The following SCN9A variants were observed in gnomAD, a reference collection of about 807,000 sequenced individuals.
SCN9A encodes the protein sodium channel protein type 9 subunit alpha.
SCN9A carries 131 observed loss-of-function variants against 187.0 expected under a neutral mutation model. The ratio of observed to expected loss-of-function variants is 0.70; its 90% CI spans 0.61 to 0.81. SCN9A has a LOEUF of 0.81. Among genes scored for constraint, SCN9A ranks in the 30% least tolerant of loss-of-function variants. The probability of loss-of-function intolerance (pLI) is 0.00; values close to 1 mark genes in which losing one functional copy is unlikely to be tolerated. For missense variants in SCN9A, 2,252 were observed against 2,396.6 expected (o/e 0.94, Z 1.26); for synonymous variants, 809 against 808.6 (o/e 1.00, Z -0.01).
chr2:166,264,933 AATT>A (rs1696667031), intron 17 of SCN9A, among the ~76,000 whole-genome samples: 1 of 151,986 alleles, frequency 6.6e-6, no homozygotes, highest in Non-Finnish European at 1.5e-5. Flanking sequence ...TTATTTTAAA[AATT>A]ATTGACACAT....
intron 2 of SCN9A, among the ~76,000 whole-genome samples, chr2:166,309,278 T>A (rs1359646778): frequency 1.3e-5 from 2 of 152,248 alleles, no homozygotes; most frequent in East Asian, 3.9e-4. Flanking sequence ...ATAAAAAGAA[T>A]TGTTGGTATT....
intron 20 of SCN9A, among the ~76,000 whole-genome samples, chr2:166,237,633 A>T (rs1159871921): frequency 6.6e-6 from 1 of 152,134 alleles, no homozygotes; most frequent in Non-Finnish European, 1.5e-5. Context: ...GATTTTTAGA[A>T]AAATTTTAGC....
intron 26 of SCN9A, among the ~76,000 whole-genome samples, chr2:166,202,148 T>C (rs1028021186): frequency 9.9e-5 from 15 of 151,764 alleles, no homozygotes; most frequent in Non-Finnish European, 3.0e-5. Context: ...TTATTTATGA[T>C]GATTTTTTCC....
Position 166,277,065 on chromosome 2 carries a change from G to C in SCN9A, c.2792C>G (p.Thr931Ser), listed in dbSNP as rs1299624986. 7 of 1,613,862 alleles carry C rather than the reference G, an allele frequency of 4.3e-6. No homozygotes were observed. Among genetic ancestry groups the C allele is most frequent in the Non-Finnish European group, 5.9e-6 (7 of 1,179,972 alleles). Residue 931 changes from threonine (T) to serine (S), a missense_variant, in exon 16 of 27, where the codon ACC becomes AGC. Transcript: ENST00000642356. ...AGCGACCTCCATACAGTCCCACATGGTCTCTATCCACTCTCCACACAGCAC... is the reference window on the plus strand; with the variant it reads ...AGCGACCTCCATACAGTCCCACATGCTCTCTATCCACTCTCCACACAGCAC... ...FRVLCGEWIE[T>S]MWDCMEVAGQ...
At chr2:166,363,336 G>T (rs1700334868) in intron 1 of SCN9A, among the ~76,000 whole-genome samples, 1 of 151,950 alleles carries the variant, frequency 6.6e-6, no homozygotes, top group African/African-American at 2.4e-5. Flanking sequence ...TCTGTGCAAA[G>T]CCTTGTAAAA....
chr2:166,244,195 A>T (rs1453250953), intron 18 of SCN9A, among the ~76,000 whole-genome samples: 1 of 152,026 alleles, frequency 6.6e-6, no homozygotes, highest in Admixed American at 6.6e-5. Flanking sequence ...TGAAACGGGA[A>T]AAACCTGTCT....
At chr2:166,265,197 A>G (rs957372278) in intron 17 of SCN9A, among the ~76,000 whole-genome samples, 1 of 151,666 alleles carries the variant, frequency 6.6e-6, no homozygotes, top group Non-Finnish European at 1.5e-5. Context: ...CTGTTGACCA[A>G]TCTTTCCCCA....
At chr2:166,301,520 C>A (rs2106519634) in intron 7 of SCN9A, 1 of 150,862 alleles carries the variant, frequency 6.6e-6, no homozygotes, top group South Asian at 2.1e-4. Flanking sequence ...CTTATTTCAG[C>A]AATAAATACT....
chr2:166,343,843 T>G (rs1699842490), intron 1 of SCN9A, among the ~76,000 whole-genome samples: 1 of 152,136 alleles, frequency 6.6e-6, no homozygotes, highest in African/African-American at 2.4e-5. Context: ...AGATAGCAAT[T>G]ATCCCCATCT....
rs1283467405 is a variant in SCN9A, at chr2:166,197,083, A to G, written c.*1589T>C. 1.3e-5 allele frequency: 2 copies of G among 152,038 alleles called. No homozygotes were observed. The highest frequency in any genetic ancestry group is 2.9e-5 in the Non-Finnish European group (2 of 67,964). 9.4% of individuals were successfully genotyped at this position (152,038 alleles called of 1,614,324 possible). On this transcript the variant is annotated 3_prime_UTR_variant, in exon 27 of 27. Coordinates refer to ENST00000642356, the MANE Select transcript of SCN9A (RefSeq NM_001365536.1). ...TAATTTATTATTTTTTAAATATGGA[A>G]AGCAAATTAGTGAAAGTTGTTTTAT...
intron 1 of SCN9A, among the ~76,000 whole-genome samples, chr2:166,312,642 A>C (rs531125112): frequency 1.1e-3 from 168 of 152,250 alleles, no homozygotes; most frequent in African/African-American, 3.9e-3. Context: ...AGTCTTATAA[A>C]ATGTATTTAT....
intron 19 of SCN9A, among the ~76,000 whole-genome samples, chr2:166,241,872 C>G (rs999315922): frequency 6.6e-6 from 1 of 152,076 alleles, no homozygotes; most frequent in African/African-American, 2.4e-5. Flanking sequence ...AGTTCTTGTC[C>G]TACTCAACTA....
chr2:166,360,369 G>A (rs1227044320), intron 1 of SCN9A, among the ~76,000 whole-genome samples: 1 of 151,806 alleles, frequency 6.6e-6, no homozygotes, highest in Non-Finnish European at 1.5e-5. Flanking sequence ...TATCTGTACA[G>A]CATGTATAAA....
Position 166,196,842 on chromosome 2 carries a change from T to C in SCN9A, c.*1830A>G, listed in dbSNP as rs1460373629. ...TGAACCTAAGATGGTATAAAGAATC[T>C]TTAGCCCTAGATTGAGTTTTATACG... On this transcript the variant is annotated 3_prime_UTR_variant, in exon 27 of 27. Transcript: ENST00000642356. 6.6e-6 allele frequency: 1 copy of C among 152,122 alleles called. No homozygotes were observed. The highest frequency in any genetic ancestry group is 1.5e-5 in the Non-Finnish European group (1 of 67,992). The allele number at this position is 152,122 out of a possible 1,614,324, so 9.4% of individuals were successfully genotyped here. A position where few individuals can be genotyped will look rare whatever the true frequency, so the allele number is the denominator to read the frequency against.
intron 7 of SCN9A, chr2:166,302,281 TTC>T (rs1698589270): frequency 4.9e-5 from 7 of 143,674 alleles, no homozygotes; most frequent in African/African-American, 2.1e-4. Context: ...TCATCAACCG[TTC>T]CAGTGAGAGA....
At chr2:166,350,635 G>C (rs1430201100) in intron 1 of SCN9A, among the ~76,000 whole-genome samples, 4 of 152,074 alleles carry the variant, frequency 2.6e-5, no homozygotes, top group Non-Finnish European at 5.9e-5. Context: ...TTAGAATTTT[G>C]TCTGTAAATA....
intron 1 of SCN9A, among the ~76,000 whole-genome samples, chr2:166,333,472 A>G (rs1298537961): frequency 6.6e-6 from 1 of 152,068 alleles, no homozygotes; most frequent in Non-Finnish European, 1.5e-5. Context: ...TCCATTCAAC[A>G]TTCATTAATG....
intron 10 of SCN9A, among the ~76,000 whole-genome samples, chr2:166,287,558 G>A (rs1174045437): frequency 6.6e-6 from 1 of 152,072 alleles, no homozygotes; most frequent in Non-Finnish European, 1.5e-5. Context: ...CTGCATTGCA[G>A]ATGATTGCCC....
intron 21 of SCN9A, 42 bp downstream of exon 21, chr2:166,233,298 C>T: frequency 7.3e-7 from 1 of 1,361,734 alleles, no homozygotes; most frequent in Non-Finnish European, 9.8e-7. Context: ...TTTTAAACCC[C>T]ATTAAAAAAT....
Sources: allele counts gnomAD v4.1 joint callset (sites outside exome capture counted in the v4.1 genomes callset), GRCh38; gene constraint gnomAD v4.1.1; transcripts MANE v1.5; gene names NCBI Gene and HGNC (gene_info 2026-07-23, HGNC 2026-07-21).